Variants in KATNIP observed in about 807,000 individuals in gnomAD.
The protein encoded by KATNIP is katanin interacting protein.
Under a neutral mutation model 174.0 loss-of-function variants are expected in KATNIP, and 126 were observed. That is an observed-to-expected ratio of 0.72 (90% CI 0.63 to 0.84). KATNIP has a LOEUF of 0.84. Ranked by LOEUF, KATNIP falls within the 40% of genes least tolerant of loss-of-function variation. The pLI is 0.00. For missense variants in KATNIP, 1,958 were observed against 2,109.7 expected, an observed-to-expected ratio of 0.93 and a Z score of 1.41; for synonymous variants, 810 against 835.7, an observed-to-expected ratio of 0.97 and a Z score of 0.53.
intron 2 of KATNIP, among the ~76,000 whole-genome samples, chr16:27,578,222 G>C (rs761117605): frequency 2.6e-4 from 40 of 151,962 alleles, no homozygotes; most frequent in Non-Finnish European, 4.7e-4. Context: ...AGTACCAGCA[G>C]CTCAGGAGGC....
At chr16:27,658,317 CT>C (rs1313795206) in intron 6 of KATNIP, among the ~76,000 whole-genome samples, 2 of 152,110 alleles carry the variant, frequency 1.3e-5, no homozygotes, top group East Asian at 1.9e-4. Flanking sequence ...TTTTTTAGGT[CT>C]GAACTTTTAA....
rs556190549 is a variant in KATNIP at position 27,710,022 on chromosome 16, C to T, written c.1605+1102C>T. Reference sequence around the variant, plus strand: ...CCCTCAGGACCCTGCTGCCCTAGGTCGTGAGGTGCACACTCCACAAACGTT... The same window carrying T: ...CCCTCAGGACCCTGCTGCCCTAGGTTGTGAGGTGCACACTCCACAAACGTT... On this transcript the variant is annotated intron_variant, in intron 13 of 27. Coordinates refer to ENST00000261588, the MANE Select transcript of KATNIP (RefSeq NM_015202.5). 7.2e-5 allele frequency among the ~76,000 whole-genome samples: 11 copies of T among 152,234 alleles called. 1 individual carries two copies. Among genetic ancestry groups the T allele is most frequent in the South Asian group, 6.2e-4 (3 of 4,816 alleles).
At chr16:27,653,513 G>A (rs2077178521) in intron 6 of KATNIP, among the ~76,000 whole-genome samples, 1 of 152,058 alleles carries the variant, frequency 6.6e-6, no homozygotes, top group Admixed American at 6.6e-5. Context: ...AATGCGTGGG[G>A]TTTACCACAG....
intron 11 of KATNIP, among the ~76,000 whole-genome samples, chr16:27,703,686 C>A (rs1319593714): frequency 6.6e-6 from 1 of 152,168 alleles, no homozygotes; most frequent in Non-Finnish European, 1.5e-5. Context: ...GCAGTGTTTC[C>A]CCAGCTGGGC....
In KATNIP at chr16:27,777,787, C is replaced by A. The variant is rs749980010; in HGVS notation, c.4712+17C>A. 1 of 1,612,778 alleles carries A rather than the reference C, an allele frequency of 6.2e-7. No individual in the cohort carries two copies. Among genetic ancestry groups the A allele is most frequent in the African/African-American group, 1.3e-5 (1 of 75,042 alleles). ...CACCATCAGGTAGGGCCCCAGCCGG[C>A]CCCATGGCCTCCCCACCAGCCCTAA... is the stretch of plus-strand genomic sequence containing the variant. On this transcript the variant is annotated intron_variant, in intron 26 of 27. Transcript: ENST00000261588. The surrounding 1 kb of genome is among the most constrained non-coding windows in gnomAD (Gnocchi z 4.4).
chr16:27,631,107 TA>T lies in KATNIP; in HGVS notation c.355del (p.Arg119AspfsTer49). On this transcript the variant is annotated frameshift_variant, in exon 5 of 28. Coordinates refer to ENST00000261588, the MANE Select transcript of KATNIP (RefSeq NM_015202.5). LOFTEE classifies it high-confidence loss of function. ...RTLFREAEEA[L>X]RRSSRTAPSK... is the part of the protein sequence containing the mutation. Reference sequence around the variant, plus strand: ...CTGTTTCGAGAAGCTGAAGAAGCCTTAAGACGCAGTTCACGGACAGCCCCCA... The same window carrying T: ...CTGTTTCGAGAAGCTGAAGAAGCCTTAGACGCAGTTCACGGACAGCCCCCA... 1 of 1,578,466 alleles carries T rather than the reference TA, an allele frequency of 6.3e-7. No homozygotes were observed. The highest frequency in any genetic ancestry group is 8.6e-7 in the Non-Finnish European group (1 of 1,160,906).
intron 2 of KATNIP, among the ~76,000 whole-genome samples, chr16:27,612,674 G>A (rs1596925263): frequency 6.6e-6 from 1 of 152,058 alleles, no homozygotes. Flanking sequence ...CAGGAGAATC[G>A]CTTGAACCCA....
chr16:27,675,581 C>G (rs1417969825), intron 6 of KATNIP, among the ~76,000 whole-genome samples: 2 of 152,202 alleles, frequency 1.3e-5, no homozygotes, highest in African/African-American at 4.8e-5. Flanking sequence ...CCCACAGCTC[C>G]ATCCTTGGAG....
chr16:27,563,607 G>A (rs1025642647), intron 1 of KATNIP, among the ~76,000 whole-genome samples: 1 of 152,158 alleles, frequency 6.6e-6, no homozygotes, highest in Admixed American at 6.6e-5. Context: ...GCCATGCAGA[G>A]CCTGGTCAGA....
chr16:27,738,022 A>G (rs1567372038), intron 14 of KATNIP, among the ~76,000 whole-genome samples: 1 of 152,160 alleles, frequency 6.6e-6, no homozygotes, highest in Non-Finnish European at 1.5e-5. Context: ...GGGGACAGTG[A>G]CACTCAGAGA....
intron 6 of KATNIP, among the ~76,000 whole-genome samples, chr16:27,676,476 C>G (rs1016515850): frequency 5.3e-5 from 8 of 152,130 alleles, no homozygotes; most frequent in African/African-American, 1.9e-4. Context: ...TTCACAGGTT[C>G]TAGGGATTAG....
At chr16:27,770,134 C>A in intron 21 of KATNIP, 116 bp downstream of exon 21, 1 of 1,176,742 alleles carries the variant, frequency 8.5e-7, no homozygotes, top group Non-Finnish European at 1.2e-6. Context: ...AAACGCATTG[C>A]TTTTCAACTT....
intron 3 of KATNIP, among the ~76,000 whole-genome samples, chr16:27,626,691 C>T (rs1453407962): frequency 1.3e-5 from 2 of 152,056 alleles, no homozygotes; most frequent in South Asian, 2.1e-4. Context: ...CAGTGGCTCA[C>T]GCCTGTAATC....
chr16:27,661,736 GC>G (rs1006855783), intron 6 of KATNIP, among the ~76,000 whole-genome samples: 2 of 147,418 alleles, frequency 1.4e-5, no homozygotes, highest in African/African-American at 5.0e-5. Context: ...TTCTATGTTG[GC>G]AACTAATTTA....
intron 3 of KATNIP, among the ~76,000 whole-genome samples, chr16:27,624,290 C>T (rs1406333119): frequency 4.6e-5 from 7 of 152,128 alleles, no homozygotes; most frequent in South Asian, 2.1e-4. Flanking sequence ...GACTCCTCCC[C>T]GAACCACCCC....
At chr16:27,778,023 A>G (rs2082564909) in intron 27 of KATNIP, 54 bp downstream of exon 27, 3 of 1,526,246 alleles carry the variant, frequency 2.0e-6, no homozygotes, top group South Asian at 1.1e-5. Flanking sequence ...CGGTCTGAAT[A>G]TAGAAGGAGC....
At chr16:27,634,872 G>A (rs543325597) in intron 5 of KATNIP, among the ~76,000 whole-genome samples, 8 of 152,178 alleles carry the variant, frequency 5.3e-5, no homozygotes, top group Non-Finnish European at 1.0e-4. Context: ...AGATTTAATT[G>A]TAGGGCCGCC....
chr16:27,672,365 G>A (rs1336427588), intron 6 of KATNIP, among the ~76,000 whole-genome samples: 1 of 152,116 alleles, frequency 6.6e-6, no homozygotes, highest in Admixed American at 6.5e-5. Context: ...TCAGCCAGTC[G>A]CCCTGTCACA....
At chr16:27,660,559 AAAC>A (rs944387316) in intron 6 of KATNIP, among the ~76,000 whole-genome samples, 2 of 152,090 alleles carry the variant, frequency 1.3e-5, no homozygotes, top group South Asian at 2.1e-4. Flanking sequence ...AAACAGAACA[AAAC>A]AACAACAACA....
Sources: allele counts gnomAD v4.1 joint callset (sites outside exome capture counted in the v4.1 genomes callset), GRCh38; gene constraint gnomAD v4.1.1; non-coding constraint Gnocchi (gnomAD v3.1); transcripts MANE v1.5; gene names NCBI Gene and HGNC (gene_info 2026-07-23, HGNC 2026-07-21).